Variants in MAP2K5 observed in about 807,000 individuals in gnomAD.
MAP2K5 encodes the protein dual specificity mitogen-activated protein kinase kinase 5.
A neutral mutation model predicts 83.1 loss-of-function variants in MAP2K5; 49 were observed. That is an observed-to-expected ratio of 0.59 (90% CI 0.47 to 0.75). The LOEUF (loss-of-function observed/expected upper bound fraction) is 0.75, where lower values mean the gene tolerates loss of function less well. Ranked by LOEUF, MAP2K5 falls within the 30% of genes least tolerant of loss-of-function variation. The pLI is 0.00. For synonymous variants in MAP2K5, 202 were observed against 191.8 expected (o/e 1.05, Z -0.44); for missense variants, 457 against 557.5 (o/e 0.82, Z 1.82).
chr15:67,741,625 T>C (rs1202071261), intron 17 of MAP2K5, among the ~76,000 whole-genome samples: 1 of 152,082 alleles, frequency 6.6e-6, no homozygotes, highest in Non-Finnish European at 1.5e-5. Flanking sequence ...GGTGAAGTCA[T>C]CTTCCCATGG....
intron 3 of MAP2K5, among the ~76,000 whole-genome samples, chr15:67,567,863 A>AT (rs2084872914): frequency 6.6e-6 from 1 of 151,322 alleles, no homozygotes; most frequent in African/African-American, 2.4e-5. Flanking sequence ...TTTTCCTTCC[A>AT]TTTTTTTGTG....
At chr15:67,687,816 C>A (rs757992680) in intron 13 of MAP2K5, among the ~76,000 whole-genome samples, 1 of 151,996 alleles carries the variant, frequency 6.6e-6, no homozygotes, top group African/African-American at 2.4e-5. Context: ...GTACCAGACA[C>A]CATTCTAGAT....
At chr15:67,595,213 G>A (rs564804702) in intron 7 of MAP2K5, among the ~76,000 whole-genome samples, 3 of 152,252 alleles carry the variant, frequency 2.0e-5, no homozygotes, top group African/African-American at 7.2e-5. Context: ...ATTGATATAG[G>A]TTATGTGATA....
At chr15:67,594,809 T>A (rs1308511238) in intron 7 of MAP2K5, among the ~76,000 whole-genome samples, 1 of 152,132 alleles carries the variant, frequency 6.6e-6, no homozygotes, top group Non-Finnish European at 1.5e-5. Flanking sequence ...ACTCAAAAAA[T>A]TCCCTCAAAA....
chr15:67,799,502 G>C (rs1253092108), intron 21 of MAP2K5, among the ~76,000 whole-genome samples: 1 of 152,262 alleles, frequency 6.6e-6, no homozygotes, highest in African/African-American at 2.4e-5. Flanking sequence ...GGAAGCTGCA[G>C]ACAGCTGCCC....
Position 67,760,870 on chromosome 15 carries a change from G to A in MAP2K5, c.1135-8732G>A, listed in dbSNP as rs1301679384. 1.3e-5 allele frequency among the ~76,000 whole-genome samples: 2 copies of A among 152,132 alleles called. No homozygotes were observed. The highest frequency in any genetic ancestry group is 2.9e-5 in the Non-Finnish European group (2 of 68,026). On this transcript the variant is annotated intron_variant, in intron 19 of 21. Coordinates refer to ENST00000178640, the MANE Select transcript of MAP2K5 (RefSeq NM_145160.3). This position sits in a 1 kb window ranked among gnomAD's most constrained non-coding sequence, Gnocchi z 4.1. ...TGGGACCTACACACCCTGAGCCCAAGTTGGATGCCAGGGTCAGTTACCCAG... is the reference window on the plus strand; with the variant it reads ...TGGGACCTACACACCCTGAGCCCAAATTGGATGCCAGGGTCAGTTACCCAG...
At chr15:67,723,058 C>T (rs190589661) in intron 16 of MAP2K5, among the ~76,000 whole-genome samples, 1 of 152,236 alleles carries the variant, frequency 6.6e-6, no homozygotes, top group Admixed American at 6.5e-5. Context: ...GAGTAGGAGA[C>T]TTGATTACTA....
rs2090294594 is a variant in MAP2K5, at chr15:67,779,577, C to T, written c.1242+6825C>T. Among the ~76,000 whole-genome samples, 1 of 152,248 alleles carries T rather than the reference C, an allele frequency of 6.6e-6. No individual in the cohort carries two copies. The stretch of plus-strand genomic sequence containing the variant: ...TAGATAAAGTCTGTCATTCCTTGAT[C>T]ATGGTGATCTGACAGTTTTAATCTC... On this transcript the variant is annotated intron_variant, in intron 21 of 21. Transcript: ENST00000178640. This position sits in a 1 kb window ranked among gnomAD's most constrained non-coding sequence, Gnocchi z 4.6.
chr15:67,674,732 T>C (rs1188515503), intron 13 of MAP2K5, among the ~76,000 whole-genome samples: 1 of 152,008 alleles, frequency 6.6e-6, no homozygotes, highest in South Asian at 2.1e-4. Context: ...CTAGAATATA[T>C]AAAGAACTCT....
At chr15:67,635,745 AG>A (rs1033162629) in intron 9 of MAP2K5, among the ~76,000 whole-genome samples, 1 of 152,070 alleles carries the variant, frequency 6.6e-6, no homozygotes, top group African/African-American at 2.4e-5. Flanking sequence ...GTAGAATTCT[AG>A]GTTGGCTGCT....
rs1276534455 is a variant in MAP2K5 at position 67,801,785 on chromosome 15, C to T, written c.1243-4861C>T. On this transcript the variant is annotated intron_variant, in intron 21 of 21. Transcript: ENST00000178640. The surrounding 1 kb of genome is among the most constrained non-coding windows in gnomAD (Gnocchi z 4.8). ...ATACAGAATATAGAAGTCACCTTTT[C>T]ATGAGGGCCTACCACATGCAGGCAT... Among the ~76,000 whole-genome samples the T allele has an allele frequency of 1.3e-5, 2 of 152,196 alleles. No individual in the cohort carries two copies. Among genetic ancestry groups the T allele is most frequent in the Non-Finnish European group, 2.9e-5 (2 of 68,040 alleles).
In MAP2K5 at chr15:67,806,997, T is replaced by C. The variant is rs553319944; in HGVS notation, c.*247T>C. 3.5e-5 allele frequency: 52 copies of C among 1,473,632 alleles called. No individual in the cohort carries two copies. The African/African-American group carries it at 6.6e-4, about 19-fold the overall frequency. 91.3% of individuals were successfully genotyped at this position (1,473,632 alleles called of 1,614,324 possible). A position where few individuals can be genotyped will look rare whatever the true frequency, so the allele number is the denominator to read the frequency against. ...TGGCAGAGAGGTAAAGGGTGGGGCA[T>C]TGAGAATGGAGGCTCCCAGGGTCCC... On this transcript the variant is annotated 3_prime_UTR_variant, in exon 22 of 22. Coordinates refer to ENST00000178640, the MANE Select transcript of MAP2K5 (RefSeq NM_145160.3).
chr15:67,646,385 C>G lies in MAP2K5; in HGVS notation c.655-3C>G. The G allele has an allele frequency of 6.4e-7, 1 of 1,571,062 alleles. No homozygotes were observed. Among genetic ancestry groups the G allele is most frequent in the Non-Finnish European group, 8.7e-7 (1 of 1,143,854 alleles). On this transcript the variant is annotated splice_polypyrimidine_tract_variant and splice_region_variant and intron_variant, in intron 10 of 21. Transcript: ENST00000178640. ...AACTACTTTTGTCTTATTTTTGTTA[C>G]AGTGCGATTCATCATATATCATTGG...
At position 67,543,029 on chromosome 15, in the gene MAP2K5, A is replaced by C; in HGVS notation, c.-307A>C. On this transcript the variant is annotated 5_prime_UTR_variant, in exon 1 of 22. Coordinates refer to ENST00000178640, the MANE Select transcript of MAP2K5 (RefSeq NM_145160.3). The surrounding 1 kb of genome is among the most constrained non-coding windows in gnomAD (Gnocchi z 4.3). ...TCCTCATACCCACACGGCGGCAGAG[A>C]CCTTCACCATAGCGTTCGCTCAACT... 2.5e-6 allele frequency: 1 copy of C among 401,682 alleles called. No homozygotes were observed. The highest frequency in any genetic ancestry group is 4.6e-6 in the Non-Finnish European group (1 of 215,568). 24.9% of individuals were successfully genotyped at this position (401,682 alleles called of 1,614,324 possible).
chr15:67,719,985 T>G lies in MAP2K5; in HGVS notation c.1045-7931T>G, dbSNP rs1378528115. Among the ~76,000 whole-genome samples the G allele has an allele frequency of 1.3e-5, 2 of 152,182 alleles. No homozygotes were observed. The highest frequency in any genetic ancestry group is 2.9e-5 in the Non-Finnish European group (2 of 68,034). The stretch of plus-strand genomic sequence containing the variant: ...GATTTAGTTATATACCCAGATATTT[T>G]CATTAGTATTCTGTGAGTAGAGCTG... On this transcript the variant is annotated intron_variant, in intron 16 of 21. Coordinates refer to ENST00000178640, the MANE Select transcript of MAP2K5 (RefSeq NM_145160.3). This position sits in a 1 kb window ranked among gnomAD's most constrained non-coding sequence, Gnocchi z 4.6.
At chr15:67,751,471 G>T in intron 19 of MAP2K5, among the ~76,000 whole-genome samples, 1 of 152,260 alleles carries the variant, frequency 6.6e-6, no homozygotes, top group South Asian at 2.1e-4. Flanking sequence ...CTGAATACCT[G>T]CGTTGTAAAG....
At chr15:67,766,643 A>AT (rs1283262674) in intron 19 of MAP2K5, among the ~76,000 whole-genome samples, 2 of 152,218 alleles carry the variant, frequency 1.3e-5, no homozygotes, top group Non-Finnish European at 2.9e-5. Flanking sequence ...TTTGAATTAG[A>AT]TAACAAAATA....
At chr15:67,615,520 C>T (rs2086036618) in intron 8 of MAP2K5, among the ~76,000 whole-genome samples, 1 of 152,066 alleles carries the variant, frequency 6.6e-6, no homozygotes, top group Non-Finnish European at 1.5e-5. Context: ...GTTGATTTCC[C>T]TGAAACTATT....
At chr15:67,751,974 C>T (rs1258020471) in intron 19 of MAP2K5, among the ~76,000 whole-genome samples, 1 of 152,176 alleles carries the variant, frequency 6.6e-6, no homozygotes, top group South Asian at 2.1e-4. Context: ...TGCCTCTGTT[C>T]TCTATGGGCA....
Sources: gnomAD v4.1 joint callset for allele counts (sites outside exome capture counted in the v4.1 genomes callset) on GRCh38, gnomAD v4.1.1 for gene constraint, Gnocchi (gnomAD v3.1) non-coding constraint, MANE v1.5 for transcripts, NCBI Gene and HGNC (gene_info 2026-07-23, HGNC 2026-07-21) for gene names.